Variants in PCDHA6 observed in about 807,000 individuals in gnomAD.
PCDHA6 encodes the protein protocadherin alpha-6.
Under a neutral mutation model 60.3 loss-of-function variants are expected in PCDHA6, and 55 were observed. The observed-to-expected ratio is 0.91, with a 90% CI of 0.73 to 1.14. The LOEUF is 1.14. Ranked by LOEUF, PCDHA6 falls within the 50% of genes most tolerant of loss-of-function variation. The pLI is 0.00. For missense variants in PCDHA6, 1,327 were observed against 1,256.5 expected, an observed-to-expected ratio of 1.06 and a Z score of -0.85; for synonymous variants, 652 against 557.9, an observed-to-expected ratio of 1.17 and a Z score of -2.38.
chr5:140,933,159 A>G (rs565076666), intron 1 of PCDHA6, among the ~76,000 whole-genome samples: 67 of 152,098 alleles, frequency 4.4e-4, no homozygotes, highest in African/African-American at 1.3e-3. Flanking sequence ...TTTGTTCCCA[A>G]TTTTAATTGA....
At chr5:140,995,689 T>A (rs528829345) in intron 3 of PCDHA6, among the ~76,000 whole-genome samples, 33 of 152,250 alleles carry the variant, frequency 2.2e-4, no homozygotes, top group Admixed American at 6.5e-4. Flanking sequence ...TTTTAATTGT[T>A]AAATAAAGGG....
At chr5:140,870,630 G>A (rs2052239024) in intron 1 of PCDHA6, 15 of 1,613,008 alleles carry the variant, frequency 9.3e-6, no homozygotes, top group Non-Finnish European at 1.3e-5. Context: ...ACGTGTCGGT[G>A]CACGCGGAGA....
chr5:140,836,738 T>C, intron 1 of PCDHA6: 1 of 1,603,644 alleles, frequency 6.2e-7, no homozygotes, highest in Non-Finnish European at 8.5e-7. Flanking sequence ...CTACAGACAA[T>C]GTGAGTCATA....
chr5:140,974,057 G>A (rs1302269611), intron 1 of PCDHA6, among the ~76,000 whole-genome samples: 1 of 152,154 alleles, frequency 6.6e-6, no homozygotes, highest in Non-Finnish European at 1.5e-5. Flanking sequence ...ATAATATTTG[G>A]AGCAGTATAA....
At chr5:140,920,000 A>T (rs1486623735) in intron 1 of PCDHA6, among the ~76,000 whole-genome samples, 1 of 152,178 alleles carries the variant, frequency 6.6e-6, no homozygotes, top group Non-Finnish European at 1.5e-5. Flanking sequence ...GACACAGAGG[A>T]AAAGGCCATG....
intron 1 of PCDHA6, among the ~76,000 whole-genome samples, chr5:140,879,471 T>C (rs1320951448): frequency 1.3e-5 from 2 of 152,154 alleles, no homozygotes; most frequent in Non-Finnish European, 2.9e-5. Context: ...AGAATACCGT[T>C]GTGATTGGAA....
intron 1 of PCDHA6, among the ~76,000 whole-genome samples, chr5:140,977,388 T>C (rs1187960215): frequency 6.6e-6 from 1 of 152,248 alleles, no homozygotes; most frequent in East Asian, 1.9e-4. Flanking sequence ...TCCAGGTTTA[T>C]AAAATGATTT....
chr5:140,886,281 T>C (rs2060932567), intron 1 of PCDHA6, among the ~76,000 whole-genome samples: 1 of 151,934 alleles, frequency 6.6e-6, no homozygotes, highest in African/African-American at 2.4e-5. Flanking sequence ...TTTTTAAAAT[T>C]ATTTTTATAT....
In PCDHA6 at chr5:141,009,718, A is replaced by G. The variant is rs2098413942; in HGVS notation, c.2634A>G (p.Gln878=). Residue 878 remains glutamine, a synonymous_variant, in exon 4 of 4, where the codon CAA becomes CAG. Transcript: ENST00000529310. ...TFKYGPGNPK[Q]SGPGELPDKF... ...AATACGGACCAGGCAACCCCAAACA[A>G]TCCGGTCCCGGTGAGTTGCCCGACA... The G allele has an allele frequency of 1.2e-6, 2 of 1,614,044 alleles. No homozygotes were observed. The highest frequency in any genetic ancestry group is 1.1e-5 in the South Asian group (1 of 91,052).
At chr5:140,870,534 G>T (rs547039725) in intron 1 of PCDHA6, 12 of 1,614,150 alleles carry the variant, frequency 7.4e-6, no homozygotes, top group Non-Finnish European at 1.0e-5. Context: ...TCACAGTGTC[G>T]GCGCGGGACG....
chr5:140,848,526 G>T lies in PCDHA6; in HGVS notation c.2394+18041G>T. 1.9e-6 allele frequency: 3 copies of T among 1,594,384 alleles called. No individual in the cohort carries two copies. Among genetic ancestry groups the T allele is most frequent in the Non-Finnish European group, 2.6e-6 (3 of 1,164,792 alleles). ...ATACTCAAGTCGAGGAGATCCAGAGGGTCAGCCTCTACTGCTCTCGCTTCT... is the reference window on the plus strand; with the variant it reads ...ATACTCAAGTCGAGGAGATCCAGAGTGTCAGCCTCTACTGCTCTCGCTTCT... On this transcript the variant is annotated intron_variant, in intron 1 of 3. Coordinates refer to ENST00000529310, the MANE Select transcript of PCDHA6 (RefSeq NM_018909.4).
At chr5:140,958,700 C>G (rs2095439212) in intron 1 of PCDHA6, among the ~76,000 whole-genome samples, 1 of 152,086 alleles carries the variant, frequency 6.6e-6, no homozygotes, top group Non-Finnish European at 1.5e-5. Context: ...CCTAGAGTGA[C>G]AACTCTGTTA....
At chr5:140,960,306 A>G (rs1554224657) in intron 1 of PCDHA6, among the ~76,000 whole-genome samples, 1 of 152,136 alleles carries the variant, frequency 6.6e-6, no homozygotes, top group African/African-American at 2.4e-5. Context: ...ATCAATACCA[A>G]CCTCATTAGG....
intron 1 of PCDHA6, among the ~76,000 whole-genome samples, chr5:140,914,069 A>G (rs1042316751): frequency 2.8e-4 from 43 of 152,216 alleles, no homozygotes; most frequent in Non-Finnish European, 5.6e-4. Context: ...GAAATGCTCC[A>G]TAACTATCTA....
intron 1 of PCDHA6, chr5:140,882,896 T>G (rs1554176010): frequency 6.2e-7 from 1 of 1,614,212 alleles, no homozygotes. Flanking sequence ...GGAACATAGT[T>G]TATTACTGAC....
intron 1 of PCDHA6, chr5:140,834,304 A>C: frequency 7.6e-7 from 1 of 1,322,818 alleles, no homozygotes; most frequent in Non-Finnish European, 1.0e-6. Context: ...ACACATCGAG[A>C]TTGAAATGAA....
chr5:140,955,867 C>T (rs1208648426), intron 1 of PCDHA6, among the ~76,000 whole-genome samples: 1 of 152,136 alleles, frequency 6.6e-6, no homozygotes, highest in Non-Finnish European at 1.5e-5. Context: ...CTTCACTTCC[C>T]TTTTTAGCTG....
intron 3 of PCDHA6, among the ~76,000 whole-genome samples, chr5:140,999,235 T>C (rs1407252981): frequency 6.6e-6 from 1 of 152,154 alleles, no homozygotes; most frequent in Non-Finnish European, 1.5e-5. Context: ...GAATAGGTGG[T>C]TAAAGTGGGA....
At chr5:140,941,224 T>TTTCTTTC in intron 1 of PCDHA6, among the ~76,000 whole-genome samples, 1 of 137,372 alleles carries the variant, frequency 7.3e-6, no homozygotes, top group Non-Finnish European at 1.6e-5. Flanking sequence ...CCTTTCTTTC[T>TTTCTTTC]TTCTTTCTTT....
Sources: gnomAD v4.1 joint callset for allele counts (sites outside exome capture counted in the v4.1 genomes callset) on GRCh38, gnomAD v4.1.1 for gene constraint, MANE v1.5 for transcripts, NCBI Gene and HGNC (gene_info 2026-07-23, HGNC 2026-07-21) for gene names.